GPD2: variants seen among roughly 807,000 people sequenced by gnomAD.
The protein encoded by GPD2 is glycerol-3-phosphate dehydrogenase, mitochondrial.
GPD2 carries 54 observed loss-of-function variants against 82.4 expected under a neutral mutation model. The observed-to-expected ratio is 0.66, with a 90% CI of 0.53 to 0.82. GPD2 has a LOEUF of 0.82. Among genes scored for constraint, GPD2 ranks in the 40% least tolerant of loss-of-function variants. GPD2 has a pLI of 0.00. For synonymous variants in GPD2, 288 were observed against 306.1 expected, an observed-to-expected ratio of 0.94 and a Z score of 0.62; for missense variants, 748 against 896.2, an observed-to-expected ratio of 0.83 and a Z score of 2.11.
At chr2:156,457,710 G>A (rs1346625491) in intron 1 of GPD2, among the ~76,000 whole-genome samples, 2 of 152,204 alleles carry the variant, frequency 1.3e-5, no homozygotes, top group African/African-American at 4.8e-5. Context: ...GTTGTGGCCC[G>A]ATGGAAATTG....
At chr2:156,460,637 A>G (rs533969533) in intron 1 of GPD2, among the ~76,000 whole-genome samples, 1 of 152,202 alleles carries the variant, frequency 6.6e-6, no homozygotes, top group Non-Finnish European at 1.5e-5. Flanking sequence ...AGTGCAAATT[A>G]TAATGAGTTG....
intron 1 of GPD2, among the ~76,000 whole-genome samples, chr2:156,452,576 G>A (rs1260898842): frequency 1.3e-5 from 2 of 152,192 alleles, no homozygotes; most frequent in Non-Finnish European, 2.9e-5. Context: ...GGAGAGGGGA[G>A]AGGGAGAACT....
chr2:156,443,237 GC>G (rs1682239396), intron 1 of GPD2, among the ~76,000 whole-genome samples: 1 of 152,078 alleles, frequency 6.6e-6, no homozygotes, highest in African/African-American at 2.4e-5. Flanking sequence ...CTCTTTTTAT[GC>G]TACTCATAAT....
chr2:156,470,495 G>A (rs1326327298), intron 1 of GPD2, among the ~76,000 whole-genome samples: 1 of 152,212 alleles, frequency 6.6e-6, no homozygotes, highest in Non-Finnish European at 1.5e-5. Context: ...CACTGGTCCA[G>A]CCCATTTGCA....
intron 6 of GPD2, among the ~76,000 whole-genome samples, chr2:156,534,846 G>A (rs905139427): frequency 6.6e-6 from 1 of 151,966 alleles, no homozygotes; most frequent in African/African-American, 2.4e-5. Context: ...ATACAGACAA[G>A]GAAACCATTG....
At chr2:156,520,270 A>ACCCGAAAAC (rs2105286187) in intron 6 of GPD2, among the ~76,000 whole-genome samples, 1 of 152,204 alleles carries the variant, frequency 6.6e-6, no homozygotes, top group East Asian at 1.9e-4. Flanking sequence ...TGAAGTTCTC[A>ACCCGAAAAC]TTTAGGGCCA....
At chr2:156,542,487 T>TA (rs1384093460) in intron 6 of GPD2, among the ~76,000 whole-genome samples, 1 of 152,210 alleles carries the variant, frequency 6.6e-6, no homozygotes, top group Non-Finnish European at 1.5e-5. Context: ...CAGTCTATAC[T>TA]AGAATACATT....
chr2:156,552,148 T>C (rs1276406237), intron 8 of GPD2, among the ~76,000 whole-genome samples: 2 of 152,226 alleles, frequency 1.3e-5, no homozygotes, highest in Non-Finnish European at 2.9e-5. Context: ...GAATTTCTTA[T>C]CCACCAACTT....
Position 156,478,785 on chromosome 2 carries a change from A to T in GPD2, c.102+2578A>T, listed in dbSNP as rs575568465. 3.4e-3 allele frequency among the ~76,000 whole-genome samples: 519 copies of T among 152,324 alleles called. 11 individuals are homozygous for T. The highest frequency in any genetic ancestry group is 0.012 in the African/African-American group (500 of 41,564). On this transcript the variant is annotated intron_variant, in intron 2 of 16. Transcript: ENST00000438166. ...CCATTTTTCTGCAGAGTGATGTTTA[A>T]GTATTGGCTTGTTACAGGTATATTT...
At chr2:156,446,938 A>G (rs1682388466) in intron 1 of GPD2, among the ~76,000 whole-genome samples, 1 of 152,058 alleles carries the variant, frequency 6.6e-6, no homozygotes, top group Non-Finnish European at 1.5e-5. Flanking sequence ...TTATATCTGA[A>G]TCCATCAACC....
chr2:156,566,833 G>A (rs2105359533), intron 9 of GPD2, among the ~76,000 whole-genome samples: 2 of 152,066 alleles, frequency 1.3e-5, no homozygotes, highest in South Asian at 4.1e-4. Flanking sequence ...GTGTACAGGG[G>A]GTTCAGTTTC....
chr2:156,421,852 G>T, the GPD2 span, among the ~76,000 whole-genome samples: 1 of 152,174 alleles, frequency 6.6e-6, no homozygotes, highest in African/African-American at 2.4e-5. Flanking sequence ...TAAGTCAGGT[G>T]CAGGGGCTCA....
chr2:156,444,619 A>C (rs1287433049), intron 1 of GPD2, among the ~76,000 whole-genome samples: 4 of 152,112 alleles, frequency 2.6e-5, no homozygotes, highest in Non-Finnish European at 4.4e-5. Context: ...AGGCTGAGGC[A>C]TGAGAATTGC....
intron 1 of GPD2, among the ~76,000 whole-genome samples, chr2:156,462,983 G>A (rs1683041610): frequency 6.6e-6 from 1 of 152,110 alleles, no homozygotes; most frequent in African/African-American, 2.4e-5. Context: ...AAAGAAGTGA[G>A]CTCAAAGATA....
At chr2:156,495,930 C>T (rs988571189) in intron 2 of GPD2, 114 bp from the exon 3 acceptor site, 10 of 771,882 alleles carry the variant, frequency 1.3e-5, no homozygotes, top group Non-Finnish European at 2.0e-5. Flanking sequence ...ACTGTGGACT[C>T]TCTTTAGCTC....
intron 8 of GPD2, 145 bp from the exon 9 acceptor site, chr2:156,557,244 G>C (rs1457337877): frequency 3.0e-6 from 2 of 660,722 alleles, no homozygotes; most frequent in African/African-American, 3.6e-5. Flanking sequence ...GGAGTTTCTA[G>C]ATTAGGGTAG....
At chr2:156,453,588 G>C (rs1024605065) in intron 1 of GPD2, among the ~76,000 whole-genome samples, 1 of 152,172 alleles carries the variant, frequency 6.6e-6, no homozygotes, top group African/African-American at 2.4e-5. Context: ...CCTTCATGTA[G>C]TTGTAGAAAA....
chr2:156,471,955 G>C (rs1000247798), intron 1 of GPD2, among the ~76,000 whole-genome samples: 1 of 152,182 alleles, frequency 6.6e-6, no homozygotes, highest in Non-Finnish European at 1.5e-5. Context: ...ATTAGAGCTA[G>C]CTCTGGTCTA....
chr2:156,479,005 G>C (rs1216674143), intron 2 of GPD2, among the ~76,000 whole-genome samples: 1 of 152,158 alleles, frequency 6.6e-6, no homozygotes, highest in Non-Finnish European at 1.5e-5. Flanking sequence ...TGTGCCATTT[G>C]GTACTCCCAG....
Sources: allele counts gnomAD v4.1 joint callset (sites outside exome capture counted in the v4.1 genomes callset), GRCh38; gene constraint gnomAD v4.1.1; transcripts MANE v1.5; gene names NCBI Gene and HGNC (gene_info 2026-07-23, HGNC 2026-07-21).